The following SAMD9 variants were observed in gnomAD, a reference collection of about 807,000 sequenced individuals.
SAMD9 encodes the protein sterile alpha motif domain containing 9, also known as sterile alpha motif domain-containing protein 9.
Under a neutral mutation model 1.5 loss-of-function variants are expected in SAMD9, and 3 were observed. That is an observed-to-expected ratio of 2.05 (90% CI 0.93 to 5.29). SAMD9 has a LOEUF of 5.29. Ranked by LOEUF, SAMD9 falls within the 30% of genes most tolerant of loss-of-function variation. The probability of loss-of-function intolerance (pLI) is 0.02; values close to 1 mark genes in which losing one functional copy is unlikely to be tolerated. For synonymous variants in SAMD9, 635 were observed against 631.9 expected, an observed-to-expected ratio of 1.00 and a Z score of -0.07; for missense variants, 1,597 against 1,820.8, an observed-to-expected ratio of 0.88 and a Z score of 2.24.
At position 93,102,454 on chromosome 7, in the gene SAMD9, G is replaced by A. The variant is rs34229036; in HGVS notation, c.3644C>T (p.Pro1215Leu). 1.0e-4 allele frequency: 169 copies of A among 1,613,384 alleles called. 1 individual carries two copies. The South Asian group carries it at 1.5e-3, about 14-fold the overall frequency. ...TAGCTCATTTTTATTATCAAAAAAAGGAATGAGCTGGAGAATTTGGATTGT... is the reference window on the plus strand; with the variant it reads ...TAGCTCATTTTTATTATCAAAAAAAAGAATGAGCTGGAGAATTTGGATTGT... Reference protein sequence around the residue: ...LYTIQILQLIPFFDNKNELSK... With the variant: ...LYTIQILQLILFFDNKNELSK... The change falls in exon 3 of 3, where the codon CCT (proline) becomes CTT (leucine). Residue 1215 changes from proline to leucine, a missense_variant. Coordinates refer to ENST00000379958, the MANE Select transcript of SAMD9 (RefSeq NM_017654.4).
chr7:93,104,184 C>T lies in SAMD9; in HGVS notation c.1914G>A (p.Ser638=), dbSNP rs146106698. The T allele has an allele frequency of 3.3e-5, 53 of 1,613,688 alleles. No homozygotes were observed. In the African/African-American group the frequency reaches 4.8e-4, roughly 15 times the overall value. The stretch of plus-strand genomic sequence containing the variant: ...CTTCTTCCTTTTTCAGAAGGACAGT[C>T]GATAAACCAATAGATGGCAAAAGCC... ...SKRLLPSIGL[S]TVLLKKEEDI... The change falls in exon 3 of 3, where the codon TCG becomes TCA. Residue 638 remains serine, a synonymous_variant. Transcript: ENST00000379958.
In SAMD9 at chr7:93,102,234, T is replaced by A. The variant is rs989468116; in HGVS notation, c.3864A>T (p.Glu1288Asp). 9 of 1,613,644 alleles carry A rather than the reference T, an allele frequency of 5.6e-6. No homozygotes were observed. Among genetic ancestry groups the A allele is most frequent in the Non-Finnish European group, 7.6e-6 (9 of 1,179,730 alleles). The change falls in exon 3 of 3, where the codon GAA (glutamate) becomes GAT (aspartate). Residue 1288 changes from glutamate (E) to aspartate (D), a missense_variant. By Grantham distance (45) the Glu-to-Asp change is conservative (BLOSUM62 2). Around this residue, in one of 6 missense-constraint regions of SAMD9, gnomAD observed 682 missense variants for 810.0 expected, o/e 0.84. Transcript: ENST00000379958. ...CCACCTTTCTCCGAGTTTTGGCCTC[T>A]TCATTTTGCTTAATATTGTTCCTGG... is the stretch of plus-strand genomic sequence containing the variant. ...LKPRNNIKQNEEAKTRRKVAG... is the reference protein window; with the variant it reads ...LKPRNNIKQNDEAKTRRKVAG...
chr7:93,102,074 CT>C lies in SAMD9; in HGVS notation c.4023del (p.Asp1342ThrfsTer18). ...TATTCCAAGAGCCCAGAAAACTTGT[CT>C]GCTTTTAAAGCTACTAGGTTTCTCC... The part of the protein sequence containing the change: ...RCRRNLVALK[A>X]DKFSGLLEYL... On this transcript the variant is annotated frameshift_variant, in exon 3 of 3. Transcript: ENST00000379958. LOFTEE classifies it low-confidence loss of function (END_TRUNC). The C allele has an allele frequency of 6.2e-7, 1 of 1,613,190 alleles. No homozygotes were observed. The highest frequency in any genetic ancestry group is 8.5e-7 in the Non-Finnish European group (1 of 1,179,754).
intron 2 of SAMD9, among the ~76,000 whole-genome samples, chr7:93,110,866 A>C (rs1194436945): frequency 6.6e-6 from 1 of 152,224 alleles, no homozygotes; most frequent in Non-Finnish European, 1.5e-5. Context: ...GGGAGACTTT[A>C]ACACCCCACT....
Position 93,104,247 on chromosome 7 carries a change from A to G in SAMD9, c.1851T>C (p.Thr617=). 1 of 1,613,868 alleles carries G rather than the reference A, an allele frequency of 6.2e-7. No homozygotes were observed. The highest frequency in any genetic ancestry group is 8.5e-7 in the Non-Finnish European group (1 of 1,179,842). ...SALSLEEING[T]ILKLKSVTQS... ...GAGTCACAGATTTTAGTTTAAGAATAGTGCCATTGATCTCTTCAAGGCTTA... is the reference window on the plus strand; with the variant it reads ...GAGTCACAGATTTTAGTTTAAGAATGGTGCCATTGATCTCTTCAAGGCTTA... The change falls in exon 3 of 3, where the codon ACT becomes ACC. Residue 617 remains threonine, a synonymous_variant. Coordinates refer to ENST00000379958, the MANE Select transcript of SAMD9 (RefSeq NM_017654.4).
intron 2 of SAMD9, among the ~76,000 whole-genome samples, chr7:93,107,043 ATT>A (rs1301135110): frequency 6.9e-6 from 1 of 144,230 alleles, no homozygotes; most frequent in Admixed American, 6.9e-5. Context: ...GGGTATTTTA[ATT>A]TTTTTTTTTT....
intron 1 of SAMD9, among the ~76,000 whole-genome samples, chr7:93,115,438 C>T (rs949026831): frequency 6.6e-6 from 1 of 152,092 alleles, no homozygotes; most frequent in South Asian, 2.1e-4. Context: ...TGAAAGAAGC[C>T]AGTTACAACA....
rs1393029951 is a variant in SAMD9, at chr7:93,115,888, G to C, written c.-109-993C>G. On this transcript the variant is annotated intron_variant, in intron 1 of 2. Coordinates refer to ENST00000379958, the MANE Select transcript of SAMD9 (RefSeq NM_017654.4). ...TCCCACTCAGTGTTGATTCAATACTGGTTTTAGAGTTGTCTAAAAACTGAC... is the reference window on the plus strand; with the variant it reads ...TCCCACTCAGTGTTGATTCAATACTCGTTTTAGAGTTGTCTAAAAACTGAC... 5.9e-5 allele frequency among the ~76,000 whole-genome samples: 9 copies of C among 152,216 alleles called. No individual in the cohort carries two copies. In the East Asian group the frequency reaches 1.5e-3, roughly 26 times the overall value.
At position 93,105,346 on chromosome 7, in the gene SAMD9, T is replaced by C; in HGVS notation, c.752A>G (p.Lys251Arg). Reference protein sequence around the residue: ...DKPHGKIVGIKVTNDTKEALI... With the variant: ...DKPHGKIVGIRVTNDTKEALI... Reference sequence around the variant, plus strand: ...GGCTTCCTTGGTATCATTGGTGACTTTGATGCCAACAATTTTCCCATGGGG... The same window carrying C: ...GGCTTCCTTGGTATCATTGGTGACTCTGATGCCAACAATTTTCCCATGGGG... Residue 251 changes from lysine to arginine, a missense_variant, in exon 3 of 3, where the codon AAA becomes AGA. Physicochemically the swap from Lys to Arg is conservative, Grantham distance 26 (BLOSUM62 2). Around this residue, in one of 6 missense-constraint regions of SAMD9, gnomAD observed 498 missense variants for 457.4 expected, o/e 1.09. Transcript: ENST00000379958. 1.2e-6 allele frequency: 2 copies of C among 1,613,994 alleles called. No individual in the cohort carries two copies. The highest frequency in any genetic ancestry group is 1.7e-6 in the Non-Finnish European group (2 of 1,179,978).
chr7:93,113,415 C>G (rs1473943974), intron 2 of SAMD9, among the ~76,000 whole-genome samples: 1 of 152,178 alleles, frequency 6.6e-6, no homozygotes, highest in East Asian at 1.9e-4. Context: ...ATGACTAAAA[C>G]ACCAAAAGCA....
intron 2 of SAMD9, among the ~76,000 whole-genome samples, chr7:93,113,584 G>A (rs1184907992): frequency 1.3e-5 from 2 of 151,720 alleles, no homozygotes; most frequent in African/African-American, 4.8e-5. Context: ...CGGAATCTAT[G>A]AAGAACTTAA....
chr7:93,101,805 C>A lies in SAMD9; in HGVS notation c.4293G>T (p.Pro1431=). The A allele has an allele frequency of 6.2e-7, 1 of 1,613,696 alleles. No homozygotes were observed. The highest frequency in any genetic ancestry group is 8.5e-7 in the Non-Finnish European group (1 of 1,179,702). The part of the protein sequence containing the change: ...PIGLTYQFSE[P]YFLASLLFWP... ...AGAATAAGAGGGAAGCTAGAAAATA[C>A]GGTTCTGAAAACTGATAAGTCAGTC... Residue 1431 remains proline, a synonymous_variant, in exon 3 of 3, where the codon CCG becomes CCT. Coordinates refer to ENST00000379958, the MANE Select transcript of SAMD9 (RefSeq NM_017654.4).
rs376485016 is a variant in SAMD9, at chr7:93,102,361, T to C, written c.3737A>G (p.Tyr1246Cys). Reference protein sequence around the residue: ...SDIPGDPNNEYKLALKNYIPY... With the variant: ...SDIPGDPNNECKLALKNYIPY... ...AATATAGTTTTTGAGGGCTAATTTA[T>C]ATTCATTGTTTGGATCCCCTGGAAT... The change falls in exon 3 of 3, where the codon TAT becomes TGT. Residue 1246 changes from tyrosine to cysteine, a missense_variant. This residue lies in a region of SAMD9 where 682 missense variants were observed against 810.0 expected (regional missense o/e 0.84). Transcript: ENST00000379958. 4 of 1,608,732 alleles carry C rather than the reference T, an allele frequency of 2.5e-6. No individual in the cohort carries two copies. Among genetic ancestry groups the C allele is most frequent in the East Asian group, 2.2e-5 (1 of 44,844 alleles).
At chr7:93,111,760 A>C (rs1469921163) in intron 2 of SAMD9, among the ~76,000 whole-genome samples, 2 of 152,180 alleles carry the variant, frequency 1.3e-5, no homozygotes, top group Non-Finnish European at 1.5e-5. Flanking sequence ...TAAATCAGGA[A>C]GAAGTTGAAT....
In SAMD9 at chr7:93,103,442, T is replaced by C. The variant is rs1428684888; in HGVS notation, c.2656A>G (p.Met886Val). 5 of 1,613,078 alleles carry C rather than the reference T, an allele frequency of 3.1e-6. No homozygotes were observed. Among genetic ancestry groups the C allele is most frequent in the Non-Finnish European group, 4.2e-6 (5 of 1,179,314 alleles). The change falls in exon 3 of 3, where the codon ATG becomes GTG. Residue 886 changes from methionine to valine, a missense_variant. By Grantham distance (21) the Met-to-Val change is conservative. This residue lies in a region of SAMD9 where 682 missense variants were observed against 810.0 expected (regional missense o/e 0.84). Transcript: ENST00000379958. ...TTATTAAAATTGGTTTTCATGATCA[T>C]AAAGGAATAAAAATCCTCAAAGTTT... ...HKNFEDFYSF[M>V]IMKTNFNKEY...
chr7:93,101,210 C>T lies in SAMD9; in HGVS notation c.*118G>A, dbSNP rs1343226273. ...AAGAGGAAATTAAATACTGCATGTA[C>T]AGATCTGAAGAGCTAGAGGCTGTAT... On this transcript the variant is annotated 3_prime_UTR_variant, in exon 3 of 3. Coordinates refer to ENST00000379958, the MANE Select transcript of SAMD9 (RefSeq NM_017654.4). 18 of 789,624 alleles carry T rather than the reference C, an allele frequency of 2.3e-5. No individual in the cohort carries two copies. Among genetic ancestry groups the T allele is most frequent in the South Asian group, 8.3e-5 (6 of 71,888 alleles). The allele number at this position is 789,624 out of a possible 1,614,324, so 48.9% of individuals were successfully genotyped here. A position where few individuals can be genotyped will look rare whatever the true frequency, so the allele number is the denominator to read the frequency against.
chr7:93,112,743 C>A (rs1366220788), intron 2 of SAMD9, among the ~76,000 whole-genome samples: 3 of 152,134 alleles, frequency 2.0e-5, no homozygotes, highest in Non-Finnish European at 4.4e-5. Context: ...ATCCAACTTA[C>A]AAGGGATGTG....
rs3802064 is a variant in SAMD9, at chr7:93,102,273, A to G, written c.3825T>C (p.Phe1275=). ...TATTGTTCCTGGGTTTTAGCAGGACAAAGTATTCATCAAAAAAATCAAAGG... is the reference window on the plus strand; with the variant it reads ...TATTGTTCCTGGGTTTTAGCAGGACGAAGTATTCATCAAAAAAATCAAAGG... ...KKSFDFFDEY[F]VLLKPRNNIK... is the part of the protein sequence containing the mutation. The change falls in exon 3 of 3, where the codon TTT becomes TTC. Residue 1275 remains phenylalanine (F), a synonymous_variant. Transcript: ENST00000379958. The G allele has an allele frequency of 0.013, 20,678 of 1,612,824 alleles. 269 individuals are homozygous for G. The highest frequency in any genetic ancestry group is 0.085 in the East Asian group (3,830 of 44,848).
Position 93,113,509 on chromosome 7 carries a change from A to C in SAMD9, c.-9+1286T>G, listed in dbSNP as rs553787292. On this transcript the variant is annotated intron_variant, in intron 2 of 2. Transcript: ENST00000379958. ...AGCAAAAGAAACTATCATCAGAGTG[A>C]ACAGGCAACCTACAGAATGGGAGAA... 3.7e-3 allele frequency among the ~76,000 whole-genome samples: 570 copies of C among 152,352 alleles called. 2 individuals are homozygous for C. The highest frequency in any genetic ancestry group is 0.012 in the African/African-American group (512 of 41,580).
Sources: gnomAD v4.1 joint callset for allele counts (sites outside exome capture counted in the v4.1 genomes callset) on GRCh38, gnomAD v4.1.1 for gene constraint, gnomAD v4.1.1 regional missense constraint, MANE v1.5 for transcripts, NCBI Gene and HGNC (gene_info 2026-07-23, HGNC 2026-07-21) for gene names.